The following CASZ1 variants were observed in gnomAD, a reference collection of about 807,000 sequenced individuals.
CASZ1 encodes castor zinc finger 1, also known as zinc finger protein castor homolog 1.
In CASZ1, 28 loss-of-function variants were observed where a neutral mutation model predicts 135.2. The ratio of observed to expected loss-of-function variants is 0.21; its 90% CI spans 0.15 to 0.28. The LOEUF (loss-of-function observed/expected upper bound fraction) is 0.28, where lower values mean the gene tolerates loss of function less well. Among genes scored for constraint, CASZ1 ranks in the 10% least tolerant of loss-of-function variants. CASZ1 has a pLI of 1.00. For synonymous variants in CASZ1, 1,068 were observed against 1,073.4 expected, an observed-to-expected ratio of 0.99 and a Z score of 0.10; for missense variants, 2,161 against 2,453.3, an observed-to-expected ratio of 0.88 and a Z score of 2.52.
chr1:10,673,732 G>A (rs190238067), intron 4 of CASZ1, among the ~76,000 whole-genome samples: 11 of 152,292 alleles, frequency 7.2e-5, no homozygotes, highest in Admixed American at 3.9e-4. Flanking sequence ...TAGGGAACCC[G>A]GTCCCTGAAC....
At position 10,725,465 on chromosome 1, in the gene CASZ1, G is replaced by A. The variant is rs1458350640; in HGVS notation, c.-76-19921C>T. 1.3e-5 allele frequency among the ~76,000 whole-genome samples: 2 copies of A among 152,190 alleles called. No homozygotes were observed. The highest frequency in any genetic ancestry group is 1.3e-4 in the Admixed American group (2 of 15,280). ...TTTCCTCTTTGCCAGACAGTTTGCA[G>A]ATTGCTCTGTTGGCTCAATTTCTTA... On this transcript the variant is annotated intron_variant, in intron 2 of 20. Transcript: ENST00000377022. The surrounding 1 kb of genome is among the most constrained non-coding windows in gnomAD (Gnocchi z 4.4).
chr1:10,643,710 G>A (rs552854899), intron 18 of CASZ1, among the ~76,000 whole-genome samples: 53 of 152,256 alleles, frequency 3.5e-4, no homozygotes, highest in African/African-American at 1.3e-3. Flanking sequence ...CTCTGCCCAG[G>A]CCCCAGCACC....
In CASZ1 at chr1:10,735,337, C is replaced by T. The variant is rs982425877; in HGVS notation, c.-77+25364G>A. ...GGGAGAGGGAAAGGTTGAGCCGCCACGGGCCCCAAGCTGCATTCTGAGCTG... is the reference window on the plus strand; with the variant it reads ...GGGAGAGGGAAAGGTTGAGCCGCCATGGGCCCCAAGCTGCATTCTGAGCTG... On this transcript the variant is annotated intron_variant, in intron 2 of 20. Transcript: ENST00000377022. The surrounding 1 kb of genome is among the most constrained non-coding windows in gnomAD (Gnocchi z 5.1). Among the ~76,000 whole-genome samples the T allele has an allele frequency of 6.6e-6, 1 of 152,178 alleles. No homozygotes were observed. The highest frequency in any genetic ancestry group is 1.5e-5 in the Non-Finnish European group (1 of 68,036).
At chr1:10,765,429 A>G (rs887155767) in intron 1 of CASZ1, among the ~76,000 whole-genome samples, 1 of 152,092 alleles carries the variant, frequency 6.6e-6, no homozygotes, top group Non-Finnish European at 1.5e-5. Flanking sequence ...ATCTTAATAC[A>G]AAAATCCTCC....
chr1:10,664,986 G>C (rs1643180011), intron 5 of CASZ1, 97 bp downstream of exon 5: 1 of 1,330,470 alleles, frequency 7.5e-7, no homozygotes, highest in African/African-American at 1.5e-5. Flanking sequence ...TTTAGAGCAG[G>C]AGTGAGGAGT....
chr1:10,703,812 C>T (rs956698008), intron 3 of CASZ1, among the ~76,000 whole-genome samples: 11 of 152,364 alleles, frequency 7.2e-5, no homozygotes, highest in African/African-American at 1.9e-4. Context: ...CCATTCAACT[C>T]TCTCTGCAAG....
At chr1:10,655,943 G>C in intron 8 of CASZ1, 130 bp from the exon 9 acceptor site, 2 of 874,960 alleles carry the variant, frequency 2.3e-6, no homozygotes, top group South Asian at 1.6e-5. Context: ...TGGGGTCAAG[G>C]CAGCCCAGAT....
chr1:10,784,197 C>T (rs1488124733), intron 1 of CASZ1, among the ~76,000 whole-genome samples: 1 of 152,242 alleles, frequency 6.6e-6, no homozygotes, highest in African/African-American at 2.4e-5. Context: ...AGAAGATGTC[C>T]TGGCACCACA....
chr1:10,654,495 G>A lies in CASZ1; in HGVS notation c.1762C>T (p.Arg588Cys), dbSNP rs775345608. ...CCACAGTCTTCGGTGGCTCGGAAGC[G>A]CTGGAAGCCGTCGTTAATGAGCTGG... ...NTQLINDGFQ[R>C]FRATEDCGTA... The change falls in exon 10 of 21, where the codon CGC (arginine) becomes TGC (cysteine). Residue 588 changes from arginine (R) to cysteine (C), a missense_variant. Around this residue, in one of 7 missense-constraint regions of CASZ1, gnomAD observed 248 missense variants for 410.8 expected, o/e 0.60. Coordinates refer to ENST00000377022, the MANE Select transcript of CASZ1 (RefSeq NM_001079843.3). 2.5e-6 allele frequency: 4 copies of A among 1,614,116 alleles called. No homozygotes were observed. The highest frequency in any genetic ancestry group is 1.7e-5 in the Admixed American group (1 of 60,014).
intron 2 of CASZ1, among the ~76,000 whole-genome samples, chr1:10,753,868 A>C (rs1269166858): frequency 6.6e-6 from 1 of 152,106 alleles, no homozygotes; most frequent in African/African-American, 2.4e-5. Flanking sequence ...AGATCATGGC[A>C]CTCAGAACTC....
rs1639063445 is a variant in CASZ1 at position 10,701,645 on chromosome 1, C to A, written c.-24+3847G>T. 6.6e-6 allele frequency among the ~76,000 whole-genome samples: 1 copy of A among 152,190 alleles called. No homozygotes were observed. Among genetic ancestry groups the A allele is most frequent in the Admixed American group, 6.5e-5 (1 of 15,284 alleles). Reference sequence around the variant, plus strand: ...GGGAGCTTCTGTCCTGCTCCTCCAGCCTGACACTAATGTATTCAACCTGAC... The same window carrying A: ...GGGAGCTTCTGTCCTGCTCCTCCAGACTGACACTAATGTATTCAACCTGAC... On this transcript the variant is annotated intron_variant, in intron 3 of 20. Coordinates refer to ENST00000377022, the MANE Select transcript of CASZ1 (RefSeq NM_001079843.3). This position sits in a 1 kb window ranked among gnomAD's most constrained non-coding sequence, Gnocchi z 6.3.
At chr1:10,678,809 C>T (rs994432398) in intron 4 of CASZ1, among the ~76,000 whole-genome samples, 3 of 151,732 alleles carry the variant, frequency 2.0e-5, no homozygotes, top group African/African-American at 4.8e-5. Context: ...AATAAAAAAT[C>T]CCCCCCTTTT....
At position 10,660,065 on chromosome 1, in the gene CASZ1, C is replaced by A; in HGVS notation, c.977G>T (p.Arg326Leu). The A allele has an allele frequency of 6.2e-7, 1 of 1,614,164 alleles. No homozygotes were observed. The highest frequency in any genetic ancestry group is 1.1e-5 in the South Asian group (1 of 91,092). Residue 326 changes from arginine to leucine, a missense_variant, in exon 6 of 21, where the codon CGG becomes CTG. Transcript: ENST00000377022. ...IQKLKTGENL[R>L]PQNGSTYKKP... ...CTTGTAGGTGCTCCCGTTCTGGGGC[C>A]GCAGATTCTCGCCGGTCTTCAGTTT...
intron 12 of CASZ1, 78 bp from the exon 13 acceptor site, chr1:10,650,833 C>G (rs1166248517): frequency 6.3e-7 from 1 of 1,599,404 alleles, no homozygotes; most frequent in Non-Finnish European, 8.6e-7. Flanking sequence ...CTGCCCGACC[C>G]TGGGGCTCCA....
chr1:10,751,654 G>A (rs1640152927), intron 2 of CASZ1, among the ~76,000 whole-genome samples: 1 of 152,234 alleles, frequency 6.6e-6, no homozygotes, highest in Non-Finnish European at 1.5e-5. Flanking sequence ...GCAGGCTGGG[G>A]AAGAGGCTGA....
At chr1:10,765,686 G>A (rs548669534) in intron 1 of CASZ1, among the ~76,000 whole-genome samples, 7 of 152,332 alleles carry the variant, frequency 4.6e-5, no homozygotes, top group Admixed American at 6.5e-5. Context: ...ATTTCTGAGG[G>A]AGAGAGAGAT....
intron 11 of CASZ1, 23 bp downstream of exon 11, chr1:10,653,354 T>C (rs1384165238): frequency 1.2e-5 from 20 of 1,612,494 alleles, no homozygotes; most frequent in Non-Finnish European, 1.6e-5. Flanking sequence ...GCCTGCTTTC[T>C]GGGCAGGACC....
In CASZ1 at chr1:10,676,206, C is replaced by T. The variant is rs954711248; in HGVS notation, c.17-10635G>A. ...AGGGTGGTGACAAACCCATGCCAAC[C>T]AAGTGACAGACACCAAGGCCCTGCT... On this transcript the variant is annotated intron_variant, in intron 4 of 20. Coordinates refer to ENST00000377022, the MANE Select transcript of CASZ1 (RefSeq NM_001079843.3). The surrounding 1 kb of genome is among the most constrained non-coding windows in gnomAD (Gnocchi z 4.5). 6.6e-6 allele frequency among the ~76,000 whole-genome samples: 1 copy of T among 152,164 alleles called. No homozygotes were observed. Among genetic ancestry groups the T allele is most frequent in the African/African-American group, 2.4e-5 (1 of 41,442 alleles).
chr1:10,664,737 T>G (rs1368422875), intron 5 of CASZ1, among the ~76,000 whole-genome samples: 2 of 152,058 alleles, frequency 1.3e-5, no homozygotes, highest in African/African-American at 4.8e-5. Flanking sequence ...CACAGGTGTG[T>G]GTAAAGAGTC....
Sources: gnomAD v4.1 joint callset for allele counts (sites outside exome capture counted in the v4.1 genomes callset) on GRCh38, gnomAD v4.1.1 for gene constraint, gnomAD v4.1.1 regional missense constraint, Gnocchi (gnomAD v3.1) non-coding constraint, MANE v1.5 for transcripts, NCBI Gene and HGNC (gene_info 2026-07-23, HGNC 2026-07-21) for gene names.